The following ANKRD17 variants were observed in gnomAD, a reference collection of about 807,000 sequenced individuals.
ANKRD17 encodes ankyrin repeat domain-containing protein 17.
Under a neutral mutation model 229.7 loss-of-function variants are expected in ANKRD17, and 19 were observed. That is an observed-to-expected ratio of 0.08 (90% CI 0.06 to 0.12). The LOEUF is 0.12. ANKRD17 is among the 10% of genes least tolerant of loss of function. The pLI is 1.00. For synonymous variants in ANKRD17, 1,112 were observed against 1,146.1 expected, an observed-to-expected ratio of 0.97 and a Z score of 0.60; for missense variants, 2,176 against 3,176.8, an observed-to-expected ratio of 0.68 and a Z score of 7.57.
chr4:73,195,662 C>G (rs564070712), intron 1 of ANKRD17, among the ~76,000 whole-genome samples: 8 of 152,144 alleles, frequency 5.3e-5, no homozygotes, highest in Non-Finnish European at 1.0e-4. Context: ...GCGCATACCA[C>G]CACACCCAGC....
intron 25 of ANKRD17, among the ~76,000 whole-genome samples, chr4:73,100,037 TCCTGCTCCTC>T (rs1723775487): frequency 6.6e-6 from 1 of 152,090 alleles, no homozygotes; most frequent in Non-Finnish European, 1.5e-5. Flanking sequence ...CTCCCAACCC[TCCTGCTCCTC>T]CCTGCCCCCC....
At chr4:73,170,744 C>T (rs746163281) in intron 2 of ANKRD17, among the ~76,000 whole-genome samples, 11 of 152,130 alleles carry the variant, frequency 7.2e-5, no homozygotes, top group Non-Finnish European at 1.3e-4. Flanking sequence ...GGCAGTACTC[C>T]CTGTGGGCCT....
chr4:73,192,060 A>C (rs946104961), intron 1 of ANKRD17, among the ~76,000 whole-genome samples: 4 of 152,066 alleles, frequency 2.6e-5, no homozygotes, highest in African/African-American at 9.7e-5. Flanking sequence ...CCTAAACCAC[A>C]ACTATCTGTG....
At chr4:73,121,501 A>G in intron 19 of ANKRD17, 116 bp downstream of exon 19, 1 of 1,283,218 alleles carries the variant, frequency 7.8e-7, no homozygotes, top group South Asian at 1.3e-5. Flanking sequence ...AACACTTTGA[A>G]TGCCAAATTT....
intron 21 of ANKRD17, among the ~76,000 whole-genome samples, chr4:73,119,222 C>CA (rs1726394057): frequency 6.6e-6 from 1 of 152,012 alleles, no homozygotes; most frequent in Non-Finnish European, 1.5e-5. Flanking sequence ...GACACAGTAA[C>CA]AAAAATCAAC....
rs768238332 is a variant in ANKRD17 at position 73,142,787 on chromosome 4, G to A, written c.1958-20C>T. On this transcript the variant is annotated intron_variant, in intron 11 of 33. Coordinates refer to ENST00000358602, the MANE Select transcript of ANKRD17 (RefSeq NM_032217.5). Reference sequence around the variant, plus strand: ...TCGCTCCTAAAACAGAAAAGGCATGGAAAATCATATTAGTAGAATGGTTTT... The same window carrying A: ...TCGCTCCTAAAACAGAAAAGGCATGAAAAATCATATTAGTAGAATGGTTTT... 7 of 1,590,804 alleles carry A rather than the reference G, an allele frequency of 4.4e-6. No individual in the cohort carries two copies. The highest frequency in any genetic ancestry group is 6.0e-6 in the Non-Finnish European group (7 of 1,169,962).
At chr4:73,096,490 T>C (rs1723315674) in intron 27 of ANKRD17, among the ~76,000 whole-genome samples, 1 of 152,158 alleles carries the variant, frequency 6.6e-6, no homozygotes, top group Non-Finnish European at 1.5e-5. Context: ...GGATTAACAG[T>C]AGTTACTAAG....
chr4:73,138,125 G>C (rs1476573093), intron 15 of ANKRD17, among the ~76,000 whole-genome samples: 2 of 152,052 alleles, frequency 1.3e-5, no homozygotes, highest in Non-Finnish European at 2.9e-5. Flanking sequence ...ATCAAATTTA[G>C]GGTTAATGGT....
intron 24 of ANKRD17, among the ~76,000 whole-genome samples, chr4:73,109,721 T>C (rs971013370): frequency 2.0e-5 from 3 of 152,154 alleles, no homozygotes; most frequent in Non-Finnish European, 4.4e-5. Flanking sequence ...TTGTCACACA[T>C]TTCAAGTAAA....
chr4:73,175,728 G>T (rs1000443589), intron 2 of ANKRD17, among the ~76,000 whole-genome samples: 1 of 152,082 alleles, frequency 6.6e-6, no homozygotes, highest in Admixed American at 6.6e-5. Context: ...TTCAATAAAT[G>T]GTGCTGGGAA....
chr4:73,227,752 A>G (rs1742655749), intron 1 of ANKRD17, among the ~76,000 whole-genome samples: 1 of 152,152 alleles, frequency 6.6e-6, no homozygotes, highest in Non-Finnish European at 1.5e-5. Flanking sequence ...AAAATTGACA[A>G]TTTTATTTAG....
At chr4:73,225,966 T>G (rs1331634768) in intron 1 of ANKRD17, among the ~76,000 whole-genome samples, 1 of 142,734 alleles carries the variant, frequency 7.0e-6, no homozygotes, top group East Asian at 2.1e-4. Context: ...TAGAGCAGGC[T>G]CTTAAGCTTT....
intron 26 of ANKRD17, among the ~76,000 whole-genome samples, chr4:73,097,851 A>C (rs1283337093): frequency 7.1e-6 from 1 of 140,842 alleles, no homozygotes; most frequent in Non-Finnish European, 1.5e-5. Flanking sequence ...TAAGTTTAAC[A>C]ACCAAAAAAA....
At chr4:73,250,600 A>C (rs1304252942) in intron 1 of ANKRD17, among the ~76,000 whole-genome samples, 1 of 146,538 alleles carries the variant, frequency 6.8e-6, no homozygotes, top group Non-Finnish European at 1.5e-5. Flanking sequence ...AAAAAAAAAA[A>C]AAAAAAAAAA....
At chr4:73,201,329 T>C (rs912117671) in intron 1 of ANKRD17, among the ~76,000 whole-genome samples, 7 of 152,196 alleles carry the variant, frequency 4.6e-5, no homozygotes, top group African/African-American at 1.7e-4. Context: ...CTTTTTTTAC[T>C]ATAGGGAAAT....
At position 73,091,931 on chromosome 4, in the gene ANKRD17, A is replaced by G; in HGVS notation, c.5697T>C (p.Thr1899=). The stretch of plus-strand genomic sequence containing the variant: ...ACCTTGGTGGACGGATCTGCTGGAA[A>G]GTCTGAGCAGCAAGCAAAGCATGTG... ...QFAHALLAAQ[T]FQQIRPPRLP... The change falls in exon 29 of 34, where the codon ACT becomes ACC. Residue 1899 remains threonine, a synonymous_variant. Transcript: ENST00000358602. The G allele has an allele frequency of 6.2e-7, 1 of 1,614,218 alleles. No homozygotes were observed. The highest frequency in any genetic ancestry group is 8.5e-7 in the Non-Finnish European group (1 of 1,180,040).
At position 73,139,741 on chromosome 4, in the gene ANKRD17, G is replaced by T; in HGVS notation, c.2875C>A (p.Pro959Thr). Residue 959 changes from proline (P) to threonine (T), a missense_variant, in exon 15 of 34, where the codon CCT (proline) becomes ACT (threonine). Pro to Thr is a conservative substitution (Grantham distance 38, BLOSUM62 -1). This residue lies in a region of ANKRD17 where 230 missense variants were observed against 252.3 expected (regional missense o/e 0.91). Coordinates refer to ENST00000358602, the MANE Select transcript of ANKRD17 (RefSeq NM_032217.5). ...GFAPIQPLAM[P>T]QALPLAAGPL... is the part of the protein sequence containing the mutation. Reference sequence around the variant, plus strand: ...CCTGCCGCCAGAGGCAAAGCTTGAGGCATCGCCAGAGGCTGGATTGGCGCA... The same window carrying T: ...CCTGCCGCCAGAGGCAAAGCTTGAGTCATCGCCAGAGGCTGGATTGGCGCA... 6.2e-7 allele frequency: 1 copy of T among 1,614,190 alleles called. No homozygotes were observed. Among genetic ancestry groups the T allele is most frequent in the Non-Finnish European group, 8.5e-7 (1 of 1,180,030 alleles).
At chr4:73,144,649 C>T in intron 11 of ANKRD17, 96 bp downstream of exon 11, 1 of 671,408 alleles carries the variant, frequency 1.5e-6, no homozygotes, top group Non-Finnish European at 2.3e-6. Flanking sequence ...TCATATGATA[C>T]CCTCTTGCCT....
intron 1 of ANKRD17, among the ~76,000 whole-genome samples, chr4:73,203,482 G>C (rs1434703811): frequency 6.6e-6 from 1 of 152,152 alleles, no homozygotes; most frequent in Non-Finnish European, 1.5e-5. Context: ...TGTGGGCTGG[G>C]CGCGATGGCT....
Sources: gnomAD v4.1 joint callset for allele counts (sites outside exome capture counted in the v4.1 genomes callset) on GRCh38, gnomAD v4.1.1 for gene constraint, gnomAD v4.1.1 regional missense constraint, MANE v1.5 for transcripts, NCBI Gene and HGNC (gene_info 2026-07-23, HGNC 2026-07-21) for gene names.